Variants in KCTD16 observed in about 807,000 individuals in gnomAD.
KCTD16 encodes BTB/POZ domain-containing protein KCTD16.
Under a neutral mutation model 33.2 loss-of-function variants are expected in KCTD16, and 13 were observed. The observed-to-expected ratio is 0.39, with a 90% CI of 0.25 to 0.62. KCTD16 has a LOEUF of 0.62. Ranked by LOEUF, KCTD16 falls within the 20% of genes least tolerant of loss-of-function variation. The pLI, the probability that KCTD16 is intolerant of heterozygous loss-of-function variation, is 0.50. For synonymous variants in KCTD16, 197 were observed against 195.3 expected (o/e 1.01, Z -0.07); for missense variants, 441 against 525.1 (o/e 0.84, Z 1.57).
chr5:144,370,862 T>C (rs983766190), intron 3 of KCTD16, among the ~76,000 whole-genome samples: 1 of 152,108 alleles, frequency 6.6e-6, no homozygotes, highest in Non-Finnish European at 1.5e-5. Flanking sequence ...GGGGATTCCA[T>C]TACTCCATTA....
At chr5:144,370,697 A>G (rs1751948387) in intron 3 of KCTD16, among the ~76,000 whole-genome samples, 1 of 152,182 alleles carries the variant, frequency 6.6e-6, no homozygotes, top group African/African-American at 2.4e-5. Flanking sequence ...AAAGATTTTT[A>G]TTTGTGGGAA....
intron 2 of KCTD16, among the ~76,000 whole-genome samples, chr5:144,185,948 GA>G (rs1752716898): frequency 6.6e-6 from 1 of 152,094 alleles, no homozygotes; most frequent in Non-Finnish European, 1.5e-5. Flanking sequence ...TAAGATACCT[GA>G]GGTGCAAAAG....
chr5:144,307,064 C>T (rs1223496372), intron 3 of KCTD16, among the ~76,000 whole-genome samples: 2 of 152,200 alleles, frequency 1.3e-5, no homozygotes, highest in Admixed American at 1.3e-4. Flanking sequence ...GACACTAGCC[C>T]ACCTTTCTGG....
chr5:144,311,577 A>G (rs1460434813), intron 3 of KCTD16, among the ~76,000 whole-genome samples: 1 of 152,216 alleles, frequency 6.6e-6, no homozygotes, highest in Non-Finnish European at 1.5e-5. Flanking sequence ...ATGGTTAACA[A>G]TGAAGTCTTT....
chr5:144,430,617 G>T (rs1175516336), intron 3 of KCTD16, among the ~76,000 whole-genome samples: 2 of 152,118 alleles, frequency 1.3e-5, no homozygotes, highest in Non-Finnish European at 2.9e-5. Flanking sequence ...CAGTGAGAAG[G>T]GTTGTGTCTG....
At chr5:144,248,569 C>A (rs1180640327) in intron 3 of KCTD16, among the ~76,000 whole-genome samples, 1 of 152,200 alleles carries the variant, frequency 6.6e-6, no homozygotes, top group African/African-American at 2.4e-5. Flanking sequence ...CCTCTGGCTG[C>A]TCTTTTGAAA....
At chr5:144,395,662 T>C (rs1752552215) in intron 3 of KCTD16, among the ~76,000 whole-genome samples, 1 of 152,198 alleles carries the variant, frequency 6.6e-6, no homozygotes, top group Non-Finnish European at 1.5e-5. Context: ...AATCCCCCTA[T>C]TAGAGTTCTA....
chr5:144,221,178 C>T (rs2126803640), intron 3 of KCTD16, among the ~76,000 whole-genome samples: 1 of 152,228 alleles, frequency 6.6e-6, no homozygotes, highest in East Asian at 1.9e-4. Context: ...TAGATGTCTG[C>T]TATTAAGGCA....
At position 144,235,735 on chromosome 5, in the gene KCTD16, A is replaced by G. The variant is rs1477103487; in HGVS notation, c.832+28189A>G. Among the ~76,000 whole-genome samples the G allele has an allele frequency of 2.6e-5, 4 of 152,206 alleles. No individual in the cohort carries two copies. In the East Asian group the frequency reaches 5.8e-4, roughly 22 times the overall value. On this transcript the variant is annotated intron_variant, in intron 3 of 3. Coordinates refer to ENST00000512467, the MANE Select transcript of KCTD16 (RefSeq NM_020768.4). ...AGAAAATTATATTATAATGTTCTCT[A>G]TATCTTGTCAAACTTCAGACACTAT...
chr5:144,218,169 A>G (rs896012626), intron 3 of KCTD16, among the ~76,000 whole-genome samples: 2 of 152,212 alleles, frequency 1.3e-5, no homozygotes, highest in African/African-American at 2.4e-5. Context: ...GAACAGAAGC[A>G]TATGGTCATT....
intron 3 of KCTD16, among the ~76,000 whole-genome samples, chr5:144,228,606 A>T (rs539607940): frequency 1.3e-5 from 2 of 152,286 alleles, no homozygotes; most frequent in Admixed American, 1.3e-4. Flanking sequence ...GAAAAAGAGA[A>T]TTTTTTTAGA....
intron 3 of KCTD16, among the ~76,000 whole-genome samples, chr5:144,443,401 A>T (rs1561610024): frequency 6.6e-6 from 1 of 151,974 alleles, no homozygotes; most frequent in Non-Finnish European, 1.5e-5. Flanking sequence ...ATTTCACCAG[A>T]TACATTATTT....
intron 3 of KCTD16, among the ~76,000 whole-genome samples, chr5:144,232,253 G>C: frequency 6.6e-6 from 1 of 152,270 alleles, no homozygotes. Context: ...TCATAAATAT[G>C]ATCCATAAGA....
intron 3 of KCTD16, among the ~76,000 whole-genome samples, chr5:144,366,420 A>AT (rs1237927445): frequency 2.0e-5 from 3 of 152,240 alleles, no homozygotes; most frequent in African/African-American, 4.8e-5. Context: ...CTTTGCTATC[A>AT]TTTTTTGCTG....
intron 3 of KCTD16, among the ~76,000 whole-genome samples, chr5:144,406,577 G>A (rs529578602): frequency 6.6e-6 from 1 of 152,216 alleles, no homozygotes; most frequent in East Asian, 1.9e-4. Flanking sequence ...TTCTGTGGTC[G>A]AGATGCACCG....
intron 2 of KCTD16, among the ~76,000 whole-genome samples, chr5:144,175,560 TGTTTAA>T (rs1561518881): frequency 6.6e-6 from 1 of 152,210 alleles, no homozygotes; most frequent in Non-Finnish European, 1.5e-5. Context: ...TTAAACCTTA[TGTTTAA>T]GTTTATGTTA....
At chr5:144,369,979 A>G (rs1400884826) in intron 3 of KCTD16, among the ~76,000 whole-genome samples, 1 of 152,182 alleles carries the variant, frequency 6.6e-6, no homozygotes, top group African/African-American at 2.4e-5. Flanking sequence ...GTAAGTAGAT[A>G]ATGATCTACT....
intron 3 of KCTD16, among the ~76,000 whole-genome samples, chr5:144,255,179 T>C (rs1754811806): frequency 6.6e-6 from 1 of 152,242 alleles, no homozygotes; most frequent in African/African-American, 2.4e-5. Flanking sequence ...AGCATTTCAT[T>C]ACATGTATGT....
At chr5:144,417,100 G>A (rs1753072701) in intron 3 of KCTD16, among the ~76,000 whole-genome samples, 2 of 152,096 alleles carry the variant, frequency 1.3e-5, no homozygotes, top group South Asian at 4.1e-4. Flanking sequence ...ACAGGTACTT[G>A]TTTGAATATA....
Sources: allele counts gnomAD v4.1 joint callset (sites outside exome capture counted in the v4.1 genomes callset), GRCh38; gene constraint gnomAD v4.1.1; transcripts MANE v1.5; gene names NCBI Gene and HGNC (gene_info 2026-07-23, HGNC 2026-07-21).